Variants in MCC observed in about 807,000 individuals in gnomAD.
MCC encodes the protein MCC regulator of Wnt signaling pathway, also known as colorectal mutant cancer protein.
A neutral mutation model predicts 116.2 loss-of-function variants in MCC; 90 were observed. That is an observed-to-expected ratio of 0.77 (90% CI 0.65 to 0.92). MCC has a LOEUF of 0.92. MCC is among the 40% of genes least tolerant of loss of function. The pLI, the probability that MCC is intolerant of heterozygous loss-of-function variation, is 0.00. For missense variants in MCC, 1,516 were observed against 1,312.2 expected, an observed-to-expected ratio of 1.16 and a Z score of -2.40; for synonymous variants, 578 against 510.5, an observed-to-expected ratio of 1.13 and a Z score of -1.78.
rs1751854654 is a variant in MCC at position 113,043,389 on chromosome 5, C to T, written c.2756+141G>A. 6.5e-5 allele frequency: 48 copies of T among 742,338 alleles called. No individual in the cohort carries two copies. The South Asian group carries it at 7.1e-4, about 11-fold the overall frequency. The allele number at this position is 742,338 out of a possible 1,614,324, so 46.0% of individuals were successfully genotyped here. A position where few individuals can be genotyped will look rare whatever the true frequency, so the allele number is the denominator to read the frequency against. ...TTTTGAAAGGCCTGGCACCAACAGG[C>T]CTTCTCCATTTCTGGCTTCCAAGAC... On this transcript the variant is annotated intron_variant, in intron 17 of 18. Transcript: ENST00000408903.
intron 3 of MCC, among the ~76,000 whole-genome samples, chr5:113,262,998 T>G (rs1293993282): frequency 6.6e-6 from 1 of 151,820 alleles, no homozygotes; most frequent in Non-Finnish European, 1.5e-5. Context: ...CCTGACACAT[T>G]TTTCAAAATT....
At chr5:113,138,984 C>T (rs771689123) in intron 5 of MCC, among the ~76,000 whole-genome samples, 6 of 152,172 alleles carry the variant, frequency 3.9e-5, no homozygotes, top group Non-Finnish European at 7.3e-5. Flanking sequence ...AGTAAAGTCT[C>T]TGTTCACCAG....
chr5:113,475,199 T>C (rs1267232234), intron 1 of MCC, among the ~76,000 whole-genome samples: 1 of 152,252 alleles, frequency 6.6e-6, no homozygotes, highest in Non-Finnish European at 1.5e-5. Flanking sequence ...CAACATTAAG[T>C]ATAAATGCTC....
intron 2 of MCC, among the ~76,000 whole-genome samples, chr5:113,380,190 T>C (rs1293202684): frequency 6.6e-6 from 1 of 152,212 alleles, no homozygotes; most frequent in Non-Finnish European, 1.5e-5. Context: ...ACTTAACTAT[T>C]AAACCGAAGT....
At chr5:113,433,856 G>A (rs759817547) in intron 1 of MCC, 11 of 1,613,994 alleles carry the variant, frequency 6.8e-6, no homozygotes, top group Admixed American at 6.7e-5. Flanking sequence ...CTGTCCCCTC[G>A]GGTTTTGTCT....
chr5:113,211,248 G>C (rs532721895), intron 3 of MCC, among the ~76,000 whole-genome samples: 2 of 152,318 alleles, frequency 1.3e-5, no homozygotes, highest in East Asian at 3.9e-4. Context: ...GAAGGTGGCT[G>C]TCTATAAACC....
chr5:113,211,017 T>TA (rs1470653265), intron 3 of MCC, among the ~76,000 whole-genome samples: 1 of 152,168 alleles, frequency 6.6e-6, no homozygotes, highest in African/African-American at 2.4e-5. Context: ...TTAGTGGTGT[T>TA]AGAGATATGT....
At chr5:113,154,749 T>C (rs1041304851) in intron 3 of MCC, among the ~76,000 whole-genome samples, 1 of 151,434 alleles carries the variant, frequency 6.6e-6, no homozygotes, top group Non-Finnish European at 1.5e-5. Context: ...CTCTAGGCAG[T>C]TAAAACTTTT....
intron 6 of MCC, among the ~76,000 whole-genome samples, chr5:113,112,532 G>C (rs1468374788): frequency 6.6e-6 from 1 of 152,224 alleles, no homozygotes; most frequent in East Asian, 1.9e-4. Flanking sequence ...GGTACAGCCT[G>C]TGGAACTGTG....
chr5:113,209,329 G>A (rs544083682), intron 3 of MCC, among the ~76,000 whole-genome samples: 5 of 152,142 alleles, frequency 3.3e-5, no homozygotes, highest in Non-Finnish European at 7.3e-5. Context: ...AAATGTTATT[G>A]CTCCCAATTG....
chr5:113,315,866 A>G (rs565770624), intron 3 of MCC, among the ~76,000 whole-genome samples: 2 of 152,210 alleles, frequency 1.3e-5, no homozygotes, highest in South Asian at 4.1e-4. Flanking sequence ...TGACAGAGTG[A>G]GACCCTGTCT....
intron 1 of MCC, among the ~76,000 whole-genome samples, chr5:113,462,339 C>CT (rs1056867551): frequency 2.0e-5 from 3 of 152,180 alleles, no homozygotes; most frequent in Non-Finnish European, 2.9e-5. Flanking sequence ...TTCCGGGCTG[C>CT]TTGTTTCATA....
chr5:113,275,965 G>GTTT lies in MCC; in HGVS notation c.627+64551_627+64553dup, dbSNP rs1194323460. Among the ~76,000 whole-genome samples, 14 of 121,036 alleles carry GTTT rather than the reference G, an allele frequency of 1.2e-4. 3 individuals are homozygous for GTTT. The highest frequency in any genetic ancestry group is 1.7e-4 in the African/African-American group (5 of 29,738). 79.4% of individuals were successfully genotyped at this position (121,036 alleles called of 152,430 possible). ...AAACATTCTAAAATTGATTTCACTT[G>GTTT]TTTTGTTTTTTTTTTTTTTTTTTTA... is the stretch of plus-strand genomic sequence containing the variant. On this transcript the variant is annotated intron_variant, in intron 3 of 18. Transcript: ENST00000408903.
At chr5:113,149,132 T>C (rs1759694848) in intron 4 of MCC, among the ~76,000 whole-genome samples, 1 of 152,110 alleles carries the variant, frequency 6.6e-6, no homozygotes, top group Non-Finnish European at 1.5e-5. Flanking sequence ...CAAATTCTCA[T>C]CAATAAGAAT....
chr5:113,078,337 G>T lies in MCC; in HGVS notation c.1784+4523C>A, dbSNP rs183417186. On this transcript the variant is annotated intron_variant, in intron 11 of 18. Transcript: ENST00000408903. ...AGCATCATCCTGATACCAAAAACTG[G>T]CAGAGACACAACAACAAAAAAAGAG... 8.7e-4 allele frequency among the ~76,000 whole-genome samples: 132 copies of T among 152,218 alleles called. 1 individual carries two copies. Among genetic ancestry groups the T allele is most frequent in the African/African-American group, 3.0e-3 (126 of 41,536 alleles).
At chr5:113,452,825 C>T (rs1771439170) in intron 1 of MCC, among the ~76,000 whole-genome samples, 2 of 152,136 alleles carry the variant, frequency 1.3e-5, no homozygotes, top group Admixed American at 1.3e-4. Context: ...TGTTAGTTCC[C>T]CATTTGGTCT....
intron 1 of MCC, among the ~76,000 whole-genome samples, chr5:113,419,964 A>T (rs1232746890): frequency 6.6e-6 from 1 of 151,644 alleles, no homozygotes; most frequent in African/African-American, 2.4e-5. Flanking sequence ...TGGCACATGT[A>T]TACATATGTA....
intron 3 of MCC, among the ~76,000 whole-genome samples, chr5:113,332,966 G>C (rs1406387428): frequency 6.6e-6 from 1 of 151,522 alleles, no homozygotes; most frequent in East Asian, 1.9e-4. Context: ...CAAATCCCTT[G>C]ACCCTGAAAC....
intron 1 of MCC, among the ~76,000 whole-genome samples, chr5:113,406,935 T>C (rs1288141837): frequency 6.6e-6 from 1 of 152,210 alleles, no homozygotes; most frequent in African/African-American, 2.4e-5. Context: ...CTGGCCCATC[T>C]GGCTCAATAT....
Sources: gnomAD v4.1 joint callset for allele counts (sites outside exome capture counted in the v4.1 genomes callset) on GRCh38, gnomAD v4.1.1 for gene constraint, MANE v1.5 for transcripts, NCBI Gene and HGNC (gene_info 2026-07-23, HGNC 2026-07-21) for gene names.